EPC2: variants seen among roughly 807,000 people sequenced by gnomAD.
EPC2 encodes the protein enhancer of polycomb homolog 2.
EPC2 carries 14 observed loss-of-function variants against 92.1 expected under a neutral mutation model. The observed-to-expected ratio is 0.15, with a 90% CI of 0.10 to 0.24. The LOEUF is 0.24. EPC2 is among the 10% of genes least tolerant of loss of function. The probability of loss-of-function intolerance (pLI) is 1.00; values close to 1 mark genes in which losing one functional copy is unlikely to be tolerated. For missense variants in EPC2, 755 were observed against 971.5 expected, an observed-to-expected ratio of 0.78 and a Z score of 2.96; for synonymous variants, 340 against 334.7, an observed-to-expected ratio of 1.02 and a Z score of -0.17.
intron 1 of EPC2, among the ~76,000 whole-genome samples, chr2:148,673,941 T>C (rs1307421377): frequency 6.6e-6 from 1 of 152,204 alleles, no homozygotes; most frequent in Non-Finnish European, 1.5e-5. Flanking sequence ...TGATCCTCTT[T>C]AAGACAGTTA....
chr2:148,777,245 A>G (rs1683665392), intron 10 of EPC2, among the ~76,000 whole-genome samples: 1 of 152,148 alleles, frequency 6.6e-6, no homozygotes, highest in Non-Finnish European at 1.5e-5. Context: ...GAAATACTAG[A>G]TGATGTATTC....
At chr2:148,714,889 T>C (rs2105386687) in intron 2 of EPC2, among the ~76,000 whole-genome samples, 1 of 152,352 alleles carries the variant, frequency 6.6e-6, no homozygotes, top group East Asian at 1.9e-4. Flanking sequence ...TTTCTTTTGC[T>C]GTGCATAAGC....
chr2:148,658,008 A>G (rs1340013331), intron 1 of EPC2, among the ~76,000 whole-genome samples: 2 of 152,124 alleles, frequency 1.3e-5, no homozygotes, highest in Non-Finnish European at 2.9e-5. Context: ...TTATGTTGCC[A>G]TGAGCACGAA....
chr2:148,663,279 C>T (rs560789343), intron 1 of EPC2, among the ~76,000 whole-genome samples: 5 of 149,294 alleles, frequency 3.3e-5, no homozygotes, highest in South Asian at 2.1e-4. Context: ...AAAGCAGTGG[C>T]GCTATCTTGG....
At chr2:148,749,092 C>T (rs1683039855) in intron 3 of EPC2, among the ~76,000 whole-genome samples, 2 of 152,118 alleles carry the variant, frequency 1.3e-5, no homozygotes. Context: ...TACATTGTTA[C>T]TTCTGCCTGT....
intron 8 of EPC2, among the ~76,000 whole-genome samples, chr2:148,770,126 T>A (rs1683488345): frequency 6.6e-6 from 1 of 152,184 alleles, no homozygotes; most frequent in Non-Finnish European, 1.5e-5. Context: ...CAGTTCACCG[T>A]AACTTCAAAC....
intron 1 of EPC2, among the ~76,000 whole-genome samples, chr2:148,658,356 A>G (rs1350470336): frequency 6.6e-6 from 1 of 152,128 alleles, no homozygotes; most frequent in Non-Finnish European, 1.5e-5. Flanking sequence ...AGGCATAAAA[A>G]TGTGAAAAAC....
intron 2 of EPC2, among the ~76,000 whole-genome samples, chr2:148,707,931 A>G (rs995286780): frequency 8.5e-5 from 13 of 152,352 alleles, no homozygotes; most frequent in African/African-American, 2.6e-4. Flanking sequence ...CATCACAATT[A>G]AAAGAACTAG....
At chr2:148,656,026 G>GT (rs1230427174) in intron 1 of EPC2, among the ~76,000 whole-genome samples, 19 of 84,164 alleles carry the variant, frequency 2.3e-4, no homozygotes, top group East Asian at 1.3e-3. Context: ...TGTGTGTGTG[G>GT]GGGGGGGGGG....
chr2:148,680,740 G>A (rs1361312545), intron 1 of EPC2, among the ~76,000 whole-genome samples: 1 of 152,186 alleles, frequency 6.6e-6, no homozygotes, highest in Non-Finnish European at 1.5e-5. Flanking sequence ...GAAGAAAATG[G>A]AAAGGTCAAG....
chr2:148,682,404 T>C (rs1241153801), intron 1 of EPC2, among the ~76,000 whole-genome samples: 2 of 152,234 alleles, frequency 1.3e-5, no homozygotes, highest in Non-Finnish European at 2.9e-5. Context: ...TATAAAGTTA[T>C]TATCAGTATT....
Position 148,753,989 on chromosome 2 carries a change from A to G in EPC2, c.522A>G (p.Val174=). The G allele has an allele frequency of 1.2e-5, 20 of 1,612,432 alleles. No homozygotes were observed. Among genetic ancestry groups the G allele is most frequent in the Non-Finnish European group, 1.4e-5 (16 of 1,179,214 alleles). ...LNEDDYLIKA[V]YDYWVRKRKN... ...AAGATGATTACCTTATTAAAGCTGT[A>G]TATGACTACTGGGTGAGAAAACGTA... is the stretch of plus-strand genomic sequence containing the variant. The change falls in exon 4 of 14, where the codon GTA becomes GTG. Residue 174 remains valine (V), a synonymous_variant. Coordinates refer to ENST00000258484, the MANE Select transcript of EPC2 (RefSeq NM_015630.4).
At chr2:148,770,712 A>G in intron 8 of EPC2, 80 bp from the exon 9 acceptor site, 1 of 1,401,420 alleles carries the variant, frequency 7.1e-7, no homozygotes, top group Non-Finnish European at 9.4e-7. Context: ...CAGTTACTTC[A>G]TGTTTATCAT....
chr2:148,724,267 C>T (rs1391684785), intron 2 of EPC2, among the ~76,000 whole-genome samples: 1 of 151,838 alleles, frequency 6.6e-6, no homozygotes, highest in Non-Finnish European at 1.5e-5. Context: ...ACTTTTACAG[C>T]TTTTAATAGA....
chr2:148,660,606 C>T (rs555387612), intron 1 of EPC2, among the ~76,000 whole-genome samples: 75 of 150,444 alleles, frequency 5.0e-4, no homozygotes, highest in African/African-American at 1.8e-3. Context: ...ATAAAAAATG[C>T]TTTTGGTTTT....
At chr2:148,650,757 T>G (rs1680666165) in intron 1 of EPC2, among the ~76,000 whole-genome samples, 1 of 144,392 alleles carries the variant, frequency 6.9e-6, no homozygotes, top group East Asian at 2.5e-4. Context: ...GGGTATAAAA[T>G]GCAGTTTTGT....
chr2:148,730,412 C>A (rs1003116845), intron 2 of EPC2, among the ~76,000 whole-genome samples: 1 of 152,324 alleles, frequency 6.6e-6, no homozygotes, highest in African/African-American at 2.4e-5. Context: ...GTGTATTTCA[C>A]AGTTACCACA....
intron 2 of EPC2, among the ~76,000 whole-genome samples, chr2:148,698,226 AGTT>A (rs1305497240): frequency 5.3e-5 from 8 of 152,292 alleles, no homozygotes; most frequent in Admixed American, 2.6e-4. Flanking sequence ...AAGAAACTGA[AGTT>A]GTTGTAAATA....
intron 2 of EPC2, among the ~76,000 whole-genome samples, chr2:148,713,401 T>C (rs930677629): frequency 6.6e-6 from 1 of 152,212 alleles, no homozygotes; most frequent in African/African-American, 2.4e-5. Context: ...ACAGAAAATA[T>C]TTTGTACAGC....
Sources: gnomAD v4.1 joint callset for allele counts (sites outside exome capture counted in the v4.1 genomes callset) on GRCh38, gnomAD v4.1.1 for gene constraint, MANE v1.5 for transcripts, NCBI Gene and HGNC (gene_info 2026-07-23, HGNC 2026-07-21) for gene names.